TRABD2B: variants seen among roughly 807,000 people sequenced by gnomAD.
TRABD2B encodes metalloprotease TIKI2.
TRABD2B carries 14 observed loss-of-function variants against 40.1 expected under a neutral mutation model. That is an observed-to-expected ratio of 0.35 (90% CI 0.23 to 0.55). The LOEUF is 0.55. Ranked by LOEUF, TRABD2B falls within the 20% of genes least tolerant of loss-of-function variation. The pLI is 0.90. For missense variants in TRABD2B, 541 were observed against 648.6 expected (o/e 0.83, Z 1.80); for synonymous variants, 263 against 277.0 (o/e 0.95, Z 0.50).
chr1:47,794,504 C>T, intron 4 of TRABD2B, 82 bp downstream of exon 4: 1 of 1,397,640 alleles, frequency 7.2e-7, no homozygotes, highest in Non-Finnish European at 9.4e-7. Flanking sequence ...CGACTTCTCC[C>T]TCGATGAAGT....
chr1:47,837,885 A>T (rs941216401), intron 2 of TRABD2B, among the ~76,000 whole-genome samples: 2 of 152,184 alleles, frequency 1.3e-5, no homozygotes, highest in Non-Finnish European at 2.9e-5. Context: ...CCCATGGTTC[A>T]TCTCATGAGG....
At chr1:47,868,884 T>C (rs1276916492) in intron 2 of TRABD2B, among the ~76,000 whole-genome samples, 1 of 152,196 alleles carries the variant, frequency 6.6e-6, no homozygotes, top group African/African-American at 2.4e-5. Context: ...CAGTCATTTT[T>C]GTAAAAACTG....
intron 2 of TRABD2B, among the ~76,000 whole-genome samples, chr1:47,927,307 A>G (rs1443046091): frequency 1.3e-5 from 2 of 152,188 alleles, no homozygotes; most frequent in Admixed American, 1.3e-4. Flanking sequence ...CTCCCTGACA[A>G]TATGGTAAAT....
intron 2 of TRABD2B, among the ~76,000 whole-genome samples, chr1:47,842,594 C>G (rs1252927715): frequency 1.3e-5 from 2 of 152,162 alleles, no homozygotes; most frequent in Non-Finnish European, 2.9e-5. Context: ...AAGTACGCAG[C>G]CAGGACTAGA....
chr1:47,948,265 A>T lies in TRABD2B; in HGVS notation c.666+45769T>A, dbSNP rs181498782. 6.2e-3 allele frequency among the ~76,000 whole-genome samples: 877 copies of T among 142,396 alleles called. 9 individuals are homozygous for T. Among genetic ancestry groups the T allele is most frequent in the African/African-American group, 0.021 (776 of 37,594 alleles). The allele number at this position is 142,396 out of a possible 152,430, so 93.4% of individuals were successfully genotyped here. On this transcript the variant is annotated intron_variant, in intron 2 of 6. Transcript: ENST00000606738. ...TATCCTGAGTGATGGCTTGCCAGGG[A>T]TGTCCTTTAGGGGGAGCAGACAGAC...
At chr1:47,990,409 T>C (rs776546668) in intron 2 of TRABD2B, among the ~76,000 whole-genome samples, 3 of 152,072 alleles carry the variant, frequency 2.0e-5, no homozygotes, top group Non-Finnish European at 2.9e-5. Flanking sequence ...TCATAAGATC[T>C]GGACTCAAGA....
At chr1:47,837,995 C>T (rs1362351638) in intron 2 of TRABD2B, among the ~76,000 whole-genome samples, 1 of 152,196 alleles carries the variant, frequency 6.6e-6, no homozygotes, top group Non-Finnish European at 1.5e-5. Flanking sequence ...GAAGTCCAGC[C>T]CTTAACCAGA....
At chr1:47,995,849 G>A (rs1489395476) in intron 1 of TRABD2B, among the ~76,000 whole-genome samples, 5 of 152,218 alleles carry the variant, frequency 3.3e-5, no homozygotes, top group South Asian at 2.1e-4. Context: ...CACAAGGCAG[G>A]CTGCTGGAGG....
intron 3 of TRABD2B, among the ~76,000 whole-genome samples, chr1:47,797,732 G>A (rs760759169): frequency 1.3e-5 from 2 of 152,084 alleles, no homozygotes; most frequent in African/African-American, 2.4e-5. Context: ...TTTGGGCCAC[G>A]GCTGGGATGG....
chr1:47,903,626 A>G (rs1644635272), intron 2 of TRABD2B, among the ~76,000 whole-genome samples: 1 of 152,064 alleles, frequency 6.6e-6, no homozygotes, highest in African/African-American at 2.4e-5. Context: ...GTTGGAAGGG[A>G]AGCCAAAGCT....
At chr1:47,877,504 G>C (rs1163490611) in intron 2 of TRABD2B, among the ~76,000 whole-genome samples, 1 of 152,130 alleles carries the variant, frequency 6.6e-6, no homozygotes, top group Non-Finnish European at 1.5e-5. Flanking sequence ...GGCAGGTGTT[G>C]TGAACACAGG....
chr1:47,891,427 T>C (rs769956414), intron 2 of TRABD2B, among the ~76,000 whole-genome samples: 2 of 151,916 alleles, frequency 1.3e-5, no homozygotes, highest in Non-Finnish European at 2.9e-5. Context: ...CAGGTTTGGA[T>C]GAAATGAAGT....
chr1:47,844,038 C>T (rs1271666970), intron 2 of TRABD2B, among the ~76,000 whole-genome samples: 1 of 152,200 alleles, frequency 6.6e-6, no homozygotes, highest in Non-Finnish European at 1.5e-5. Flanking sequence ...TTGAACCCCA[C>T]AAGGAAAAGC....
intron 2 of TRABD2B, among the ~76,000 whole-genome samples, chr1:47,974,973 G>T (rs1404486485): frequency 6.6e-6 from 1 of 152,110 alleles, no homozygotes; most frequent in Non-Finnish European, 1.5e-5. Context: ...CCCTATGGAG[G>T]GACAGTGCTC....
At chr1:47,775,044 C>T (rs2124047602) in intron 6 of TRABD2B, 126 bp downstream of exon 6, 3 of 946,704 alleles carry the variant, frequency 3.2e-6, no homozygotes, top group East Asian at 3.3e-5. Context: ...TGTAGAAAGC[C>T]ACCTGCCACA....
In TRABD2B at chr1:47,984,801, A is replaced by C. The variant is rs559548764; in HGVS notation, c.666+9233T>G. Among the ~76,000 whole-genome samples, 4 of 151,950 alleles carry C rather than the reference A, an allele frequency of 2.6e-5. No individual in the cohort carries two copies. In the South Asian group the frequency reaches 8.3e-4, roughly 32 times the overall value. On this transcript the variant is annotated intron_variant, in intron 2 of 6. Coordinates refer to ENST00000606738, the MANE Select transcript of TRABD2B (RefSeq NM_001194986.2). ...GAAGCTGTGCCTCTTCTGTACTCCCACAACACACCACAAGACAAGCCACAG... is the reference window on the plus strand; with the variant it reads ...GAAGCTGTGCCTCTTCTGTACTCCCCCAACACACCACAAGACAAGCCACAG...
Position 47,994,370 on chromosome 1 carries a change from CTGCAGGTTT to C in TRABD2B, c.321_329del (p.Asn108_Gln110del), listed in dbSNP as rs1646058521. ...AGTAAAGCTCGTGGGGCAGCACGTC[CTGCAGGTTT>C]TCCCCGTGCGGCAGCAGCTGGCAGC... On this transcript the variant is annotated inframe_deletion, in exon 2 of 7. Transcript: ENST00000606738. The surrounding 1 kb of genome is among the most constrained non-coding windows in gnomAD (Gnocchi z 6.7). The C allele has an allele frequency of 6.5e-7, 1 of 1,536,076 alleles. No individual in the cohort carries two copies. Among genetic ancestry groups the C allele is most frequent in the South Asian group, 1.2e-5 (1 of 84,074 alleles).
chr1:47,914,879 G>A (rs367558930), intron 2 of TRABD2B, among the ~76,000 whole-genome samples: 1 of 152,326 alleles, frequency 6.6e-6, no homozygotes, highest in South Asian at 2.1e-4. Context: ...TGCTGGGGGG[G>A]CAAGGATGAA....
intron 6 of TRABD2B, among the ~76,000 whole-genome samples, chr1:47,771,297 A>G (rs533864793): frequency 1.3e-4 from 20 of 151,826 alleles, no homozygotes; most frequent in Non-Finnish European, 2.6e-4. Flanking sequence ...GAGGACAATG[A>G]CTCTGTGGCA....
Sources: gnomAD v4.1 joint callset for allele counts (sites outside exome capture counted in the v4.1 genomes callset) on GRCh38, gnomAD v4.1.1 for gene constraint, Gnocchi (gnomAD v3.1) non-coding constraint, MANE v1.5 for transcripts, NCBI Gene and HGNC (gene_info 2026-07-23, HGNC 2026-07-21) for gene names.